Variants in DGKG observed in about 807,000 individuals in gnomAD.
DGKG encodes the protein diacylglycerol kinase gamma.
In DGKG, 78 loss-of-function variants were observed where a neutral mutation model predicts 105.3. The observed-to-expected ratio is 0.74, with a 90% confidence interval of 0.62 to 0.89. DGKG has a LOEUF of 0.89. DGKG is among the 40% of genes least tolerant of loss of function. The pLI, the probability that DGKG is intolerant of heterozygous loss-of-function variation, is 0.00. For missense variants in DGKG, 958 were observed against 1,020.1 expected (o/e 0.94, Z 0.83); for synonymous variants, 346 against 367.1 (o/e 0.94, Z 0.66).
intron 20 of DGKG, among the ~76,000 whole-genome samples, chr3:186,232,527 T>A (rs1720201926): frequency 6.6e-6 from 1 of 152,220 alleles, no homozygotes; most frequent in African/African-American, 2.4e-5. Flanking sequence ...TTTTAAGGTA[T>A]ATCTATCAAG....
intron 24 of DGKG, chr3:186,160,597 T>TA (rs1578603756): frequency 2.0e-6 from 2 of 985,458 alleles, no homozygotes; most frequent in Non-Finnish European, 2.4e-6. Context: ...AACCTTCCTT[T>TA]AGTAGAAGAC....
At chr3:186,240,737 G>A (rs1441288977) in intron 20 of DGKG, among the ~76,000 whole-genome samples, 17 of 151,966 alleles carry the variant, frequency 1.1e-4, no homozygotes, top group African/African-American at 4.1e-4. Flanking sequence ...TTGAACCCAG[G>A]AGGTGGAAGT....
Position 186,320,453 on chromosome 3 carries a change from C to T in DGKG, c.7G>A (p.Glu3Lys). 1.9e-6 allele frequency: 3 copies of T among 1,614,178 alleles called. No homozygotes were observed. Among genetic ancestry groups the T allele is most frequent in the Non-Finnish European group, 2.5e-6 (3 of 1,180,006 alleles). Reference protein sequence around the residue: MGEERWVSLTPEE... With the variant: MGKERWVSLTPEE... ...GGAGTGAGGGAGACCCACCGTTCTTCACCCATTTTTAAACTTTATGTGAGT... is the reference window on the plus strand; with the variant it reads ...GGAGTGAGGGAGACCCACCGTTCTTTACCCATTTTTAAACTTTATGTGAGT... The change falls in exon 2 of 25, where the codon GAA becomes AAA. Residue 3 changes from glutamate (E) to lysine (K), a missense_variant. Around this residue, in one of 2 missense-constraint regions of DGKG, gnomAD observed 643 missense variants for 619.5 expected, o/e 1.04. Transcript: ENST00000265022.
At position 186,192,877 on chromosome 3, in the gene DGKG, T is replaced by C. The variant is rs563900010; in HGVS notation, c.1918-4498A>G. ...GCACCAGGTTTGTTTTTTAAAAAAG[T>C]ACATCACCAGCACAGTCCTTGACAA... On this transcript the variant is annotated intron_variant, in intron 21 of 24. Coordinates refer to ENST00000265022, the MANE Select transcript of DGKG (RefSeq NM_001346.3). 4.6e-5 allele frequency among the ~76,000 whole-genome samples: 7 copies of C among 152,356 alleles called. No individual in the cohort carries two copies. In the East Asian group the frequency reaches 1.3e-3, roughly 29 times the overall value.
rs981675667 is a variant in DGKG at position 186,253,092 on chromosome 3, C to G, written c.1600+1G>C. The G allele has an allele frequency of 6.2e-7, 1 of 1,614,072 alleles. No homozygotes were observed. The highest frequency in any genetic ancestry group is 1.7e-5 in the Admixed American group (1 of 60,028). ...GTACCACCATTAGCATGCAAACTCA[C>G]CTCCTCCCCAGCGGAGACAACGGGC... is the stretch of plus-strand genomic sequence containing the variant. On this transcript the variant is annotated splice_donor_variant, in intron 18 of 24. Coordinates refer to ENST00000265022, the MANE Select transcript of DGKG (RefSeq NM_001346.3). LOFTEE classifies it high-confidence loss of function.
chr3:186,309,328 G>C (rs1013135652), intron 2 of DGKG, among the ~76,000 whole-genome samples: 1 of 152,226 alleles, frequency 6.6e-6, no homozygotes, highest in African/African-American at 2.4e-5. Flanking sequence ...TTTAGGACAA[G>C]TCAGAACCAG....
At chr3:186,312,587 G>A (rs746960251) in intron 2 of DGKG, among the ~76,000 whole-genome samples, 2 of 152,184 alleles carry the variant, frequency 1.3e-5, no homozygotes, top group Non-Finnish European at 2.9e-5. Context: ...CATAAGTGGT[G>A]GGCAGGGGGA....
chr3:186,229,747 C>T (rs1720050916), intron 20 of DGKG, among the ~76,000 whole-genome samples: 1 of 152,160 alleles, frequency 6.6e-6, no homozygotes, highest in African/African-American at 2.4e-5. Context: ...TAGCATGATG[C>T]TAACACAAAT....
chr3:186,275,514 C>T, intron 10 of DGKG, 33 bp downstream of exon 10: 7 of 1,569,518 alleles, frequency 4.5e-6, no homozygotes, highest in South Asian at 1.1e-5. Context: ...AAGATAGTGC[C>T]TGGGGGAAGA....
At chr3:186,227,495 C>T (rs568643910) in intron 20 of DGKG, among the ~76,000 whole-genome samples, 1 of 152,294 alleles carries the variant, frequency 6.6e-6, no homozygotes, top group Non-Finnish European at 1.5e-5. Flanking sequence ...CTGTATTTCA[C>T]ATGAGGGTGA....
At chr3:186,286,233 C>T (rs1278579040) in intron 6 of DGKG, among the ~76,000 whole-genome samples, 1 of 152,126 alleles carries the variant, frequency 6.6e-6, no homozygotes, top group Non-Finnish European at 1.5e-5. Context: ...TTTGTGATTC[C>T]TCAGAAGGTC....
rs1722755446 is a variant in DGKG at position 186,279,970 on chromosome 3, A to T, written c.673T>A (p.Leu225Met). ...TCCATCCCTTGCAGCATCTCCTTCA[A>T]TATCTGTGGAATCCAAAGAGCAATC... ...EWDPTELRPI[L>M]KEMLQGMDYD... The change falls in exon 9 of 25, where the codon TTG (leucine) becomes ATG (methionine). Residue 225 changes from leucine to methionine, a missense_variant. By Grantham distance (15) the Leu-to-Met change is conservative. This residue lies in a region of DGKG where 643 missense variants were observed against 619.5 expected (regional missense o/e 1.04). Coordinates refer to ENST00000265022, the MANE Select transcript of DGKG (RefSeq NM_001346.3). 1 of 1,613,666 alleles carries T rather than the reference A, an allele frequency of 6.2e-7. No homozygotes were observed. The highest frequency in any genetic ancestry group is 8.5e-7 in the Non-Finnish European group (1 of 1,179,884).
intron 17 of DGKG, among the ~76,000 whole-genome samples, chr3:186,256,066 G>A (rs546266184): frequency 2.0e-5 from 3 of 152,244 alleles, no homozygotes; most frequent in East Asian, 3.9e-4. Context: ...AGAGGGAGCC[G>A]TGTGAGTAGT....
chr3:186,200,457 G>A (rs758639999), intron 21 of DGKG, among the ~76,000 whole-genome samples: 48 of 152,288 alleles, frequency 3.2e-4, no homozygotes, highest in Admixed American at 5.2e-4. Flanking sequence ...AACGCAGCAG[G>A]CTTCTTGAAA....
At chr3:186,161,518 TTCAGTGATTTCATATTAAG>T in intron 24 of DGKG, 66 bp downstream of exon 24, 1 of 1,602,528 alleles carries the variant, frequency 6.2e-7, no homozygotes, top group Non-Finnish European at 8.5e-7. Context: ...GACTCTGAGA[TTCAGTGATTTCATATTAAG>T]TCAGTGCCCA....
chr3:186,265,203 G>C, intron 14 of DGKG, 44 bp downstream of exon 14: 1 of 1,601,906 alleles, frequency 6.2e-7, no homozygotes, highest in Non-Finnish European at 8.6e-7. Context: ...CACAGCCCTG[G>C]AACAACTTAG....
intron 1 of DGKG, among the ~76,000 whole-genome samples, chr3:186,348,449 A>ATTTTTTT (rs1350593815): frequency 2.7e-5 from 3 of 112,376 alleles, no homozygotes; most frequent in African/African-American, 1.3e-4. Flanking sequence ...CTGGCTCATA[A>ATTTTTTT]TCTTTTTTTT....
Position 186,253,073 on chromosome 3 carries a change from C to T in DGKG, c.1600+20G>A, listed in dbSNP as rs1279072572. 1.9e-6 allele frequency: 3 copies of T among 1,611,264 alleles called. No individual in the cohort carries two copies. Among genetic ancestry groups the T allele is most frequent in the Non-Finnish European group, 1.7e-6 (2 of 1,177,352 alleles). On this transcript the variant is annotated intron_variant, in intron 18 of 24. Coordinates refer to ENST00000265022, the MANE Select transcript of DGKG (RefSeq NM_001346.3). ...AGGAACACCTGTTCCCAGGGTACCACCATTAGCATGCAAACTCACCTCCTC... is the reference window on the plus strand; with the variant it reads ...AGGAACACCTGTTCCCAGGGTACCATCATTAGCATGCAAACTCACCTCCTC...
intron 1 of DGKG, among the ~76,000 whole-genome samples, chr3:186,351,596 C>G (rs1390349496): frequency 6.6e-6 from 1 of 152,228 alleles, no homozygotes; most frequent in Non-Finnish European, 1.5e-5. Context: ...TCCCTTGGAA[C>G]TAACCAAGGT....
Sources: allele counts gnomAD v4.1 joint callset (sites outside exome capture counted in the v4.1 genomes callset), GRCh38; gene constraint gnomAD v4.1.1; regional missense constraint gnomAD v4.1.1; transcripts MANE v1.5; gene names NCBI Gene and HGNC (gene_info 2026-07-23, HGNC 2026-07-21).